The following ABLIM2 variants were observed in gnomAD, a reference collection of about 807,000 sequenced individuals.
ABLIM2 encodes actin binding LIM protein family member 2.
In ABLIM2, 53 loss-of-function variants were observed where a neutral mutation model predicts 97.7. The ratio of observed to expected loss-of-function variants is 0.54; its 90% CI spans 0.44 to 0.68. The LOEUF (loss-of-function observed/expected upper bound fraction) is 0.68, where lower values mean the gene tolerates loss of function less well. ABLIM2 is among the 30% of genes least tolerant of loss of function. ABLIM2 has a pLI of 0.00. For synonymous variants in ABLIM2, 361 were observed against 345.8 expected (o/e 1.04, Z -0.49); for missense variants, 835 against 867.2 (o/e 0.96, Z 0.47).
rs1195783970 is a variant in ABLIM2, at chr4:8,130,075, C to T, written c.11-23438G>A. Among the ~76,000 whole-genome samples the T allele has an allele frequency of 6.6e-6, 1 of 152,228 alleles. No individual in the cohort carries two copies. The highest frequency in any genetic ancestry group is 1.5e-5 in the Non-Finnish European group (1 of 68,042). ...AGGAGCCTCAGATTCCCCTGGCCTC[C>T]AGCCTGCTGTTCACCCCTAAGCATC... is the stretch of plus-strand genomic sequence containing the variant. On this transcript the variant is annotated intron_variant, in intron 1 of 20. Transcript: ENST00000447017. The surrounding 1 kb of genome is among the most constrained non-coding windows in gnomAD (Gnocchi z 4.2).
rs116964277 is a variant in ABLIM2 at position 8,069,616 on chromosome 4, C to T, written c.675+8012G>A. Among the ~76,000 whole-genome samples, 175 of 151,698 alleles carry T rather than the reference C, an allele frequency of 1.2e-3. 3 individuals carry two copies. The East Asian group carries it at 0.029, about 25-fold the overall frequency. On this transcript the variant is annotated intron_variant, in intron 6 of 20. Coordinates refer to ENST00000447017, the MANE Select transcript of ABLIM2 (RefSeq NM_001130083.2). The surrounding 1 kb of genome is among the most constrained non-coding windows in gnomAD (Gnocchi z 4.2). ...CCTGGTGTCTGTGTGGATGTCTTTCCGTGTGTCTGTGTGTGCATCGTGTGT... is the reference window on the plus strand; with the variant it reads ...CCTGGTGTCTGTGTGGATGTCTTTCTGTGTGTCTGTGTGTGCATCGTGTGT...
At position 8,130,463 on chromosome 4, in the gene ABLIM2, C is replaced by T. The variant is rs527259387; in HGVS notation, c.11-23826G>A. ...GGGCTATGGCAGGGAGAGTGGACGC[C>T]GGCGCCGGGCACTGATCTGGGCCTT... is the stretch of plus-strand genomic sequence containing the variant. On this transcript the variant is annotated intron_variant, in intron 1 of 20. Coordinates refer to ENST00000447017, the MANE Select transcript of ABLIM2 (RefSeq NM_001130083.2). This position sits in a 1 kb window ranked among gnomAD's most constrained non-coding sequence, Gnocchi z 4.2. Among the ~76,000 whole-genome samples the T allele has an allele frequency of 9.9e-5, 15 of 152,274 alleles. No homozygotes were observed. Among genetic ancestry groups the T allele is most frequent in the East Asian group, 1.9e-4 (1 of 5,174 alleles).
At chr4:8,077,498 C>G in intron 6 of ABLIM2, 130 bp downstream of exon 6, 1 of 903,368 alleles carries the variant, frequency 1.1e-6, no homozygotes, top group Non-Finnish European at 1.7e-6. Flanking sequence ...GCTGAGCTGG[C>G]AGGAATAGGG....
chr4:8,091,806 T>C (rs1472926825), intron 3 of ABLIM2, among the ~76,000 whole-genome samples: 1 of 86,470 alleles, frequency 1.2e-5, no homozygotes, highest in Admixed American at 2.0e-4. Flanking sequence ...ATTAATATAT[T>C]ATATATTATA....
intron 8 of ABLIM2, among the ~76,000 whole-genome samples, chr4:8,052,823 G>C (rs934328701): frequency 6.6e-6 from 1 of 152,250 alleles, no homozygotes; most frequent in Non-Finnish European, 1.5e-5. Context: ...GCTCAAACAA[G>C]AGCCCAGACT....
intron 6 of ABLIM2, among the ~76,000 whole-genome samples, chr4:8,065,574 G>A (rs943253459): frequency 2.6e-4 from 39 of 152,146 alleles, no homozygotes; most frequent in Admixed American, 6.5e-5. Flanking sequence ...GAATTACCAG[G>A]AGCCAGGAAA....
intron 12 of ABLIM2, among the ~76,000 whole-genome samples, chr4:8,024,345 C>T (rs1162145446): frequency 6.6e-6 from 1 of 152,056 alleles, no homozygotes; most frequent in Non-Finnish European, 1.5e-5. Flanking sequence ...CTGTGGCCAG[C>T]ACCACTCTGG....
At position 8,001,687 on chromosome 4, in the gene ABLIM2, T is replaced by C. The variant is rs1033737167; in HGVS notation, c.1618+6372A>G. ...TAACAGCCTCTGTATAGAGGGACCC[T>C]CCAGCCACTAGCTGGATGCCAAGGT... On this transcript the variant is annotated intron_variant, in intron 16 of 20. Coordinates refer to ENST00000447017, the MANE Select transcript of ABLIM2 (RefSeq NM_001130083.2). This position sits in a 1 kb window ranked among gnomAD's most constrained non-coding sequence, Gnocchi z 4.2. Among the ~76,000 whole-genome samples, 10 of 152,164 alleles carry C rather than the reference T, an allele frequency of 6.6e-5. No individual in the cohort carries two copies. Among genetic ancestry groups the C allele is most frequent in the South Asian group, 2.1e-4 (1 of 4,818 alleles).
At chr4:8,008,020 T>C (rs755557050) in intron 16 of ABLIM2, 39 bp downstream of exon 16, 24 of 1,606,698 alleles carry the variant, frequency 1.5e-5, no homozygotes, top group Admixed American at 3.3e-5. Flanking sequence ...CGAGGCATTT[T>C]GTGCACATCA....
At chr4:8,079,865 A>C (rs1818666055) in intron 5 of ABLIM2, among the ~76,000 whole-genome samples, 1 of 152,130 alleles carries the variant, frequency 6.6e-6, no homozygotes, top group Non-Finnish European at 1.5e-5. Flanking sequence ...GGGCATTGAG[A>C]ACAAGCACAG....
At position 8,044,849 on chromosome 4, in the gene ABLIM2, C is replaced by T. The variant is rs1012658503; in HGVS notation, c.900+315G>A. On this transcript the variant is annotated intron_variant, in intron 9 of 20. Transcript: ENST00000447017. This position sits in a 1 kb window ranked among gnomAD's most constrained non-coding sequence, Gnocchi z 4.4. ...TGGGTGTCTGGCAAGCCCCAACTGTCGGCTGTTGATGTGACGTGTCTGCAC... is the reference window on the plus strand; with the variant it reads ...TGGGTGTCTGGCAAGCCCCAACTGTTGGCTGTTGATGTGACGTGTCTGCAC... 6.6e-6 allele frequency among the ~76,000 whole-genome samples: 1 copy of T among 152,180 alleles called. No individual in the cohort carries two copies. Among genetic ancestry groups the T allele is most frequent in the Non-Finnish European group, 1.5e-5 (1 of 68,048 alleles).
Position 8,036,194 on chromosome 4 carries a change from T to A in ABLIM2, c.1002A>T (p.Ser334=), listed in dbSNP as rs772818012. The change falls in exon 10 of 21, where the codon TCA becomes TCT. Residue 334 remains serine, a synonymous_variant. Coordinates refer to ENST00000447017, the MANE Select transcript of ABLIM2 (RefSeq NM_001130083.2). ...CCCCTGCAGAGTGGCTGATGTAGGG[T>A]GAGTAGGAGATCATGTCGGGGCGGT... ...DIDRPDMISY[S]PYISHSAGDR... 6.2e-7 allele frequency: 1 copy of A among 1,613,016 alleles called. No individual in the cohort carries two copies. The highest frequency in any genetic ancestry group is 1.1e-5 in the South Asian group (1 of 90,976).
chr4:8,036,324 G>A (rs1440051614), intron 9 of ABLIM2, 29 bp from the exon 10 acceptor site: 1 of 1,610,226 alleles, frequency 6.2e-7, no homozygotes, highest in Non-Finnish European at 8.5e-7. Context: ...TTGGGGAGGG[G>A]ACAGTCACCA....
Position 8,001,211 on chromosome 4 carries a change from G to A in ABLIM2, c.1618+6848C>T, listed in dbSNP as rs1756955716. ...GGGGAGGCAGAGCTTCCGGTGTCGG[G>A]GCCCAGGCAGCATTGGAGGAGGACA... On this transcript the variant is annotated intron_variant, in intron 16 of 20. Transcript: ENST00000447017. This position sits in a 1 kb window ranked among gnomAD's most constrained non-coding sequence, Gnocchi z 4.2. 6.6e-6 allele frequency among the ~76,000 whole-genome samples: 1 copy of A among 152,202 alleles called. No individual in the cohort carries two copies. The highest frequency in any genetic ancestry group is 2.4e-5 in the African/African-American group (1 of 41,450).
At chr4:8,153,707 T>TGCCCTTCTCAGAGCA (rs747507590) in intron 1 of ABLIM2, among the ~76,000 whole-genome samples, 1 of 149,508 alleles carries the variant, frequency 6.7e-6, no homozygotes, top group African/African-American at 2.5e-5. Context: ...CTACCAGCGC[T>TGCCCTTCTCAGAGCA]GGAGGCAGAG....
At position 8,132,103 on chromosome 4, in the gene ABLIM2, G is replaced by A. The variant is rs889355739; in HGVS notation, c.11-25466C>T. ...TGGACATCCCTCCGTGGGGTGTGGT[G>A]TACTAGCGGGATGGCTCAAGTGGCA... On this transcript the variant is annotated intron_variant, in intron 1 of 20. Transcript: ENST00000447017. This position sits in a 1 kb window ranked among gnomAD's most constrained non-coding sequence, Gnocchi z 8.0. Among the ~76,000 whole-genome samples the A allele has an allele frequency of 2.6e-5, 4 of 151,880 alleles. No homozygotes were observed. The highest frequency in any genetic ancestry group is 7.3e-5 in the African/African-American group (3 of 41,322).
chr4:7,968,084 G>A (rs1011240899), intron 20 of ABLIM2, among the ~76,000 whole-genome samples: 2 of 152,258 alleles, frequency 1.3e-5, no homozygotes, highest in African/African-American at 4.8e-5. Flanking sequence ...TTTCTAGGGA[G>A]CCTGGGACTT....
rs965954938 is a variant in ABLIM2, at chr4:8,046,550, C to T, written c.823-1309G>A. On this transcript the variant is annotated intron_variant, in intron 8 of 20. Coordinates refer to ENST00000447017, the MANE Select transcript of ABLIM2 (RefSeq NM_001130083.2). This position sits in a 1 kb window ranked among gnomAD's most constrained non-coding sequence, Gnocchi z 4.4. ...TGCTTCGATGGTTTCCCACCCCGAC[C>T]ACAGCCCCCACTGCAGCTCCCTCCT... Among the ~76,000 whole-genome samples the T allele has an allele frequency of 2.0e-5, 3 of 152,184 alleles. No individual in the cohort carries two copies. The highest frequency in any genetic ancestry group is 7.2e-5 in the African/African-American group (3 of 41,436).
At chr4:8,031,326 G>C (rs1780782684) in intron 10 of ABLIM2, among the ~76,000 whole-genome samples, 1 of 149,738 alleles carries the variant, frequency 6.7e-6, no homozygotes. Context: ...AGTGTGCTCT[G>C]TGTCAGGCAG....
Sources: allele counts gnomAD v4.1 joint callset (sites outside exome capture counted in the v4.1 genomes callset), GRCh38; gene constraint gnomAD v4.1.1; non-coding constraint Gnocchi (gnomAD v3.1); transcripts MANE v1.5; gene names NCBI Gene and HGNC (gene_info 2026-07-23, HGNC 2026-07-21).